Variants in ZNF532 observed in about 807,000 individuals in gnomAD.
The protein encoded by ZNF532 is zinc finger protein 532.
ZNF532 carries 22 observed loss-of-function variants against 89.3 expected under a neutral mutation model. The ratio of observed to expected loss-of-function variants is 0.25; its 90% CI spans 0.18 to 0.35. The LOEUF (loss-of-function observed/expected upper bound fraction) is 0.35. Among genes scored for constraint, ZNF532 ranks in the 10% least tolerant of loss-of-function variants. The pLI, the probability that ZNF532 is intolerant of heterozygous loss-of-function variation, is 1.00. For synonymous variants in ZNF532, 606 were observed against 649.6 expected, an observed-to-expected ratio of 0.93 and a Z score of 1.02; for missense variants, 1,132 against 1,643.4, an observed-to-expected ratio of 0.69 and a Z score of 5.38.
intron 2 of ZNF532, among the ~76,000 whole-genome samples, chr18:58,874,657 A>C (rs1323788669): frequency 6.6e-6 from 1 of 152,128 alleles, no homozygotes; most frequent in African/African-American, 2.4e-5. Context: ...TTGTATTTGT[A>C]ATCTAGTACT....
intron 6 of ZNF532, among the ~76,000 whole-genome samples, chr18:58,950,457 T>A (rs1446109405): frequency 6.6e-6 from 1 of 152,152 alleles, no homozygotes; most frequent in African/African-American, 2.4e-5. Context: ...TGGGTAAGCA[T>A]AGTTTTAGGG....
intron 9 of ZNF532, among the ~76,000 whole-genome samples, chr18:58,983,036 CG>C (rs1295573675): frequency 8.5e-5 from 13 of 152,106 alleles, no homozygotes; most frequent in African/African-American, 2.7e-4. Context: ...CGCTTGAACC[CG>C]GGAGGCCGAG....
chr18:58,888,119 T>C (rs1163352671), intron 2 of ZNF532, among the ~76,000 whole-genome samples: 1 of 152,198 alleles, frequency 6.6e-6, no homozygotes, highest in Non-Finnish European at 1.5e-5. Flanking sequence ...TAAAGGAATT[T>C]ACTCAGTTGA....
intron 7 of ZNF532, among the ~76,000 whole-genome samples, chr18:58,966,646 A>G (rs2065934799): frequency 6.6e-6 from 1 of 152,216 alleles, no homozygotes; most frequent in African/African-American, 2.4e-5. Flanking sequence ...CTTTCAAGAA[A>G]GACTAACACG....
Position 58,939,311 on chromosome 18 carries a change from A to C in ZNF532, c.2529-134A>C, listed in dbSNP as rs1181955946. On this transcript the variant is annotated intron_variant, in intron 4 of 9. Transcript: ENST00000591808. ...ATTAAGTTGATTTATAATAGGAAAA[A>C]AACTAAAATATACTTCCGAAGGGCC... 12 of 576,288 alleles carry C rather than the reference A, an allele frequency of 2.1e-5. No homozygotes were observed. The Admixed American group carries it at 3.9e-4, about 19-fold the overall frequency. 35.7% of individuals were successfully genotyped at this position (576,288 alleles called of 1,614,324 possible). A position where few individuals can be genotyped will look rare whatever the true frequency, so the allele number is the denominator to read the frequency against.
Position 58,918,604 on chromosome 18 carries a change from G to T in ZNF532, c.317G>T (p.Gly106Val). 2 of 1,614,180 alleles carry T rather than the reference G, an allele frequency of 1.2e-6. No individual in the cohort carries two copies. Among genetic ancestry groups the T allele is most frequent in the African/African-American group, 2.7e-5 (2 of 75,046 alleles). ...ASSLDSYSKDGAKSLKGDVPA... is the reference protein window; with the variant it reads ...ASSLDSYSKDVAKSLKGDVPA... ...TCCCTTGACAGTTACAGTAAAGATG[G>T]AGCAAAGTCCTTGAAAGGAGATGTG... The change falls in exon 3 of 10, where the codon GGA becomes GTA. Residue 106 changes from glycine to valine, a missense_variant. Around this residue, in one of 9 missense-constraint regions of ZNF532, gnomAD observed 302 missense variants for 319.8 expected, o/e 0.94. Transcript: ENST00000591808.
chr18:58,953,846 C>G (rs1173845911), intron 7 of ZNF532, 47 bp downstream of exon 7: 1 of 1,562,586 alleles, frequency 6.4e-7, no homozygotes, highest in East Asian at 2.3e-5. Flanking sequence ...AGAGAGGGCA[C>G]TGGACTGGCA....
At chr18:58,961,709 A>T (rs1382805557) in intron 7 of ZNF532, among the ~76,000 whole-genome samples, 1 of 152,244 alleles carries the variant, frequency 6.6e-6, no homozygotes, top group Non-Finnish European at 1.5e-5. Context: ...GAGGAGGGTA[A>T]GCAGAATGCT....
chr18:58,893,533 G>A (rs1181157558), intron 2 of ZNF532, among the ~76,000 whole-genome samples: 6 of 151,772 alleles, frequency 4.0e-5, no homozygotes, highest in African/African-American at 1.5e-4. Flanking sequence ...GCTCGTGCCT[G>A]TAATCCCAGC....
intron 5 of ZNF532, among the ~76,000 whole-genome samples, chr18:58,942,236 A>C (rs997547616): frequency 8.0e-5 from 12 of 149,854 alleles, no homozygotes; most frequent in Admixed American, 3.3e-4. Flanking sequence ...GTTAGCCAGG[A>C]TGGTCTCGAA....
chr18:58,887,322 A>C (rs2058376557), intron 2 of ZNF532, among the ~76,000 whole-genome samples: 1 of 152,176 alleles, frequency 6.6e-6, no homozygotes, highest in African/African-American at 2.4e-5. Context: ...TTAAATGTAC[A>C]TTTTGTTTTC....
rs765519880 is a variant in ZNF532 at position 58,981,599 on chromosome 18, A to G, written c.3393A>G (p.Glu1131=). 1.2e-6 allele frequency: 2 copies of G among 1,614,186 alleles called. No individual in the cohort carries two copies. Among genetic ancestry groups the G allele is most frequent in the Admixed American group, 3.3e-5 (2 of 60,030 alleles). The change falls in exon 9 of 10, where the codon GAA becomes GAG. Residue 1131 remains glutamate, a synonymous_variant. Transcript: ENST00000591808. ...ATGCCACCAATGAGGAGGAAACAGA[A>G]ATAAAAGAAGACACTAAGGTCTAAC... is the stretch of plus-strand genomic sequence containing the variant. The part of the protein sequence containing the change: ...MTDATNEEET[E]IKEDTKVPSP...
In ZNF532 at chr18:58,948,308, G is replaced by A. The variant is rs960780457; in HGVS notation, c.2868+79G>A. ...CATAAATCAAGGCTGAGCTGCAGGT[G>A]ACTCTAAAGCATGCCTCACTGTCGA... On this transcript the variant is annotated intron_variant, in intron 6 of 9. Coordinates refer to ENST00000591808, the MANE Select transcript of ZNF532 (RefSeq NM_001375912.1). 4.9e-5 allele frequency: 71 copies of A among 1,448,914 alleles called. 1 individual carries two copies. Among genetic ancestry groups the A allele is most frequent in the East Asian group, 4.7e-4 (20 of 42,874 alleles). 89.8% of individuals were successfully genotyped at this position (1,448,914 alleles called of 1,614,324 possible). A position where few individuals can be genotyped will look rare whatever the true frequency, so the allele number is the denominator to read the frequency against.
At chr18:58,957,313 A>G (rs1053963645) in intron 7 of ZNF532, among the ~76,000 whole-genome samples, 1 of 151,852 alleles carries the variant, frequency 6.6e-6, no homozygotes, top group African/African-American at 2.4e-5. Context: ...GGATTACCCA[A>G]TGAAATATTA....
chr18:58,892,727 A>T (rs961850118), intron 2 of ZNF532, among the ~76,000 whole-genome samples: 2 of 152,144 alleles, frequency 1.3e-5, no homozygotes, highest in Non-Finnish European at 2.9e-5. Context: ...TCGTGTAGAG[A>T]TTTTGAATCT....
intron 9 of ZNF532, among the ~76,000 whole-genome samples, chr18:58,982,186 C>T (rs2067867542): frequency 6.6e-6 from 1 of 151,554 alleles, no homozygotes; most frequent in Non-Finnish European, 1.5e-5. Context: ...GCGCCTTAAT[C>T]CCAGCTACTT....
At chr18:58,915,077 G>A (rs1398765063) in intron 2 of ZNF532, among the ~76,000 whole-genome samples, 1 of 152,196 alleles carries the variant, frequency 6.6e-6, no homozygotes, top group Non-Finnish European at 1.5e-5. Context: ...AAGGGAAAGG[G>A]TAATAGGACA....
At chr18:58,947,194 A>C (rs2063739454) in intron 5 of ZNF532, among the ~76,000 whole-genome samples, 1 of 152,180 alleles carries the variant, frequency 6.6e-6, no homozygotes, top group Non-Finnish European at 1.5e-5. Flanking sequence ...TGACTAAAAA[A>C]TGGTGACCTG....
At chr18:58,896,547 A>C in intron 2 of ZNF532, 1 of 152,992 alleles carries the variant, frequency 6.5e-6, no homozygotes. Flanking sequence ...GGATGTCTTC[A>C]GCCATATGCA....
Sources: allele counts gnomAD v4.1 joint callset (sites outside exome capture counted in the v4.1 genomes callset), GRCh38; gene constraint gnomAD v4.1.1; regional missense constraint gnomAD v4.1.1; transcripts MANE v1.5; gene names NCBI Gene and HGNC (gene_info 2026-07-23, HGNC 2026-07-21).